Variants in NRG1 observed in about 807,000 individuals in gnomAD.
The protein encoded by NRG1 is pro-neuregulin-1, membrane-bound isoform.
In NRG1, 18 loss-of-function variants were observed where a neutral mutation model predicts 63.8. The ratio of observed to expected loss-of-function variants is 0.28; its 90% confidence interval spans 0.19 to 0.42. The LOEUF (loss-of-function observed/expected upper bound fraction) is 0.42, where lower values mean the gene tolerates loss of function less well. Ranked by LOEUF, NRG1 falls within the 10% of genes least tolerant of loss-of-function variation. The pLI is 1.00. For missense variants in NRG1, 762 were observed against 814.7 expected, an observed-to-expected ratio of 0.94 and a Z score of 0.79; for synonymous variants, 302 against 301.3, an observed-to-expected ratio of 1.00 and a Z score of -0.02.
rs75402131 is a variant in NRG1, at chr8:32,294,501, C to T, written c.38-301327C>T. On this transcript the variant is annotated intron_variant, in intron 1 of 10. Transcript: ENST00000519301. ...TACTGTTTTAAAACAGCTTTTTAAA[C>T]GTCTAGATTCCAGCCCTGTGTAGAA... Among the ~76,000 whole-genome samples the T allele has an allele frequency of 1.9e-4, 29 of 152,242 alleles. No individual in the cohort carries two copies. In the East Asian group the frequency reaches 4.5e-3, roughly 23 times the overall value.
intron 1 of NRG1, among the ~76,000 whole-genome samples, chr8:31,987,481 T>C (rs568590754): frequency 6.6e-6 from 1 of 151,644 alleles, no homozygotes; most frequent in African/African-American, 2.4e-5. Flanking sequence ...CCTCAGTAAA[T>C]TGAGGCAGAA....
intron 1 of NRG1, among the ~76,000 whole-genome samples, chr8:32,172,301 A>G (rs1311852212): frequency 6.6e-6 from 1 of 152,232 alleles, no homozygotes; most frequent in East Asian, 1.9e-4. Context: ...TGTTAGAAGG[A>G]AAACTAACAA....
Position 32,488,612 on chromosome 8 carries a change from C to CA in NRG1, c.38-107216_38-107215insA, listed in dbSNP as rs1170822155. Among the ~76,000 whole-genome samples, 183 of 123,886 alleles carry CA rather than the reference C, an allele frequency of 1.5e-3. 1 individual carries two copies. Among genetic ancestry groups the CA allele is most frequent in the African/African-American group, 5.0e-3 (162 of 32,556 alleles). The allele number at this position is 123,886 out of a possible 152,430, so 81.3% of individuals were successfully genotyped here. On this transcript the variant is annotated intron_variant, in intron 1 of 10. Transcript: ENST00000519301. ...GCAACATGGCAAAACCCCATCTCTA[C>CA]CCAAACAAACAAACAAACAAACAAA...
intron 1 of NRG1, among the ~76,000 whole-genome samples, chr8:32,498,326 C>T (rs1279913173): frequency 1.3e-5 from 2 of 152,108 alleles, no homozygotes. Flanking sequence ...TCTCAAGCTG[C>T]TATAAGGACA....
intron 1 of NRG1, among the ~76,000 whole-genome samples, chr8:31,792,227 C>A (rs559976997): frequency 6.6e-6 from 1 of 152,294 alleles, no homozygotes; most frequent in South Asian, 2.1e-4. Context: ...TATTAATACA[C>A]AGAACTTTTT....
intron 1 of NRG1, among the ~76,000 whole-genome samples, chr8:32,580,584 A>C (rs1241249690): frequency 6.6e-6 from 1 of 152,142 alleles, no homozygotes; most frequent in Non-Finnish European, 1.5e-5. Flanking sequence ...ATTTTAGAAA[A>C]TGTAAAATGA....
chr8:31,735,121 T>C (rs9297180), intron 1 of NRG1, among the ~76,000 whole-genome samples: 13,170 of 152,138 alleles, frequency 0.087, 1,880 homozygotes, highest in African/African-American at 0.3. Context: ...TTCTGGGGAC[T>C]GAGAGTGGTA....
At chr8:32,560,151 A>G (rs1394443836) in intron 1 of NRG1, among the ~76,000 whole-genome samples, 3 of 152,190 alleles carry the variant, frequency 2.0e-5, no homozygotes, top group Non-Finnish European at 2.9e-5. Context: ...CTTATTTTCT[A>G]TAATACAGAA....
chr8:32,706,221 C>T (rs1403209337), intron 5 of NRG1, among the ~76,000 whole-genome samples: 1 of 152,150 alleles, frequency 6.6e-6, no homozygotes, highest in South Asian at 2.1e-4. Context: ...CGTGGAGAAG[C>T]CCCTTTTGGA....
chr8:31,834,478 G>A (rs1278414043), intron 1 of NRG1, among the ~76,000 whole-genome samples: 1 of 152,178 alleles, frequency 6.6e-6, no homozygotes, highest in Non-Finnish European at 1.5e-5. Context: ...AAGCTGAGGT[G>A]GCAGGATCAC....
intron 1 of NRG1, among the ~76,000 whole-genome samples, chr8:32,565,438 G>A (rs1185207150): frequency 6.6e-6 from 1 of 152,134 alleles, no homozygotes; most frequent in East Asian, 1.9e-4. Context: ...TTAACTAAAA[G>A]TACGTTGGAC....
chr8:32,368,889 T>C (rs539149380), intron 1 of NRG1, among the ~76,000 whole-genome samples: 51 of 152,346 alleles, frequency 3.3e-4, no homozygotes, highest in Non-Finnish European at 5.7e-4. Flanking sequence ...ACCGTAACAC[T>C]GCACTCAGAG....
intron 5 of NRG1, among the ~76,000 whole-genome samples, chr8:32,693,104 G>T (rs974584422): frequency 6.6e-6 from 1 of 152,044 alleles, no homozygotes; most frequent in African/African-American, 2.4e-5. Flanking sequence ...GTTGCTGTTT[G>T]CACATACATA....
chr8:32,557,303 A>G (rs976533248), intron 1 of NRG1, among the ~76,000 whole-genome samples: 4 of 152,130 alleles, frequency 2.6e-5, no homozygotes, highest in Non-Finnish European at 4.4e-5. Flanking sequence ...CACTGCGCCC[A>G]GCAAGTAGGC....
intron 1 of NRG1, among the ~76,000 whole-genome samples, chr8:32,277,931 T>A (rs1001760290): frequency 6.6e-6 from 1 of 152,220 alleles, no homozygotes; most frequent in Non-Finnish European, 1.5e-5. Context: ...GAGCCATGCT[T>A]CCCACAGGCT....
chr8:32,026,426 A>C (rs530993629), intron 1 of NRG1: 1 of 152,138 alleles, frequency 6.6e-6, no homozygotes, highest in South Asian at 2.1e-4. Flanking sequence ...TTTTTCTATG[A>C]ATTATTTTCC....
chr8:32,523,094 C>T (rs955809997), intron 1 of NRG1, among the ~76,000 whole-genome samples: 3 of 152,164 alleles, frequency 2.0e-5, no homozygotes. Flanking sequence ...CATGAGTCCA[C>T]GCCCAGCCCT....
At chr8:32,753,544 G>A (rs1398676586) in intron 7 of NRG1, among the ~76,000 whole-genome samples, 1 of 152,132 alleles carries the variant, frequency 6.6e-6, no homozygotes, top group Non-Finnish European at 1.5e-5. Context: ...CATTTGTACT[G>A]GTGACTTCTT....
chr8:31,866,623 G>T (rs186046950), intron 1 of NRG1, among the ~76,000 whole-genome samples: 1 of 152,200 alleles, frequency 6.6e-6, no homozygotes, highest in Admixed American at 6.6e-5. Context: ...GTGTATTAGA[G>T]AGTTTATTGT....
Sources: allele counts gnomAD v4.1 joint callset (sites outside exome capture counted in the v4.1 genomes callset), GRCh38; gene constraint gnomAD v4.1.1; transcripts MANE v1.5; gene names NCBI Gene and HGNC (gene_info 2026-07-23, HGNC 2026-07-21).